The following MIR2052HG variants were observed in gnomAD, a reference collection of about 807,000 sequenced individuals.
MIR2052HG encodes the protein MIR2052 host gene.
intron 2 of MIR2052HG, among the ~76,000 whole-genome samples, chr8:74,634,490 A>T (rs1366356323): frequency 6.6e-6 from 1 of 152,158 alleles, no homozygotes; most frequent in Non-Finnish European, 1.5e-5. Flanking sequence ...TAATTTCTTA[A>T]TACATTCTTA....
intron 4 of MIR2052HG, among the ~76,000 whole-genome samples, chr8:74,712,584 G>A (rs2128741865): frequency 6.6e-6 from 1 of 152,292 alleles, no homozygotes; most frequent in African/African-American, 2.4e-5. Context: ...CCTATAAGCA[G>A]TGGATCAGGG....
At chr8:74,627,592 T>A (rs937495671) in intron 2 of MIR2052HG, among the ~76,000 whole-genome samples, 9 of 152,320 alleles carry the variant, frequency 5.9e-5, no homozygotes, top group South Asian at 2.1e-4. Context: ...CGGATTTTTT[T>A]AAAAAGTGCC....
intron 5 of MIR2052HG, among the ~76,000 whole-genome samples, chr8:74,754,973 T>G (rs7825604): frequency 0.1 from 15,492 of 152,204 alleles, 1,766 homozygotes; most frequent in African/African-American, 0.28. Context: ...CAGTACGACA[T>G]GTTGTGATTA....
intron 4 of MIR2052HG, among the ~76,000 whole-genome samples, chr8:74,737,270 G>T (rs1046352582): frequency 1.3e-5 from 2 of 152,156 alleles, no homozygotes; most frequent in Non-Finnish European, 1.5e-5. Flanking sequence ...CTGATTGTGG[G>T]CTACAACTTC....
chr8:74,667,039 C>T (rs1808936682), intron 2 of MIR2052HG, among the ~76,000 whole-genome samples: 1 of 152,124 alleles, frequency 6.6e-6, no homozygotes, highest in African/African-American at 2.4e-5. Flanking sequence ...CTGGACTGCT[C>T]ACGTGACTGC....
At chr8:74,661,224 C>T (rs1274916568) in intron 2 of MIR2052HG, among the ~76,000 whole-genome samples, 3 of 139,802 alleles carry the variant, frequency 2.1e-5, no homozygotes, top group Non-Finnish European at 4.6e-5. Context: ...TTTTTCGAGA[C>T]AGAGTCTCAC....
chr8:74,627,583 G>A (rs4259395), intron 2 of MIR2052HG, among the ~76,000 whole-genome samples: 61,057 of 151,948 alleles, frequency 0.4, 13,210 homozygotes, highest in Middle Eastern at 0.61. Flanking sequence ...TTCAGATCAC[G>A]GATTTTTTTA....
intron 4 of MIR2052HG, among the ~76,000 whole-genome samples, chr8:74,722,828 T>A (rs976196393): frequency 6.6e-6 from 1 of 152,204 alleles, no homozygotes; most frequent in Non-Finnish European, 1.5e-5. Context: ...GAAGGGAGAT[T>A]TCTGAGGGTT....
chr8:74,743,003 A>G (rs562259202), intron 4 of MIR2052HG, among the ~76,000 whole-genome samples: 1 of 152,200 alleles, frequency 6.6e-6, no homozygotes, highest in African/African-American at 2.4e-5. Context: ...TCAGATGGAG[A>G]GGGAGGAAGT....
At chr8:74,673,887 G>GTATATATATA (rs61228134) in intron 2 of MIR2052HG, among the ~76,000 whole-genome samples, 1,303 of 121,600 alleles carry the variant, frequency 0.011, 28 homozygotes, top group African/African-American at 0.025. Flanking sequence ...GTATTTTTTT[G>GTATATATATA]TATATATATA....
intron 2 of MIR2052HG, among the ~76,000 whole-genome samples, chr8:74,683,072 T>C (rs1251188316): frequency 6.6e-6 from 1 of 152,094 alleles, no homozygotes; most frequent in African/African-American, 2.4e-5. Flanking sequence ...GCAATAAAAG[T>C]GTAAATAATA....
rs374227210 is a variant in MIR2052HG at position 74,613,647 on chromosome 8, G to A, written n.216+707G>A. Among the ~76,000 whole-genome samples, 403 of 152,170 alleles carry A rather than the reference G, an allele frequency of 2.6e-3. 3 individuals carry two copies. Among genetic ancestry groups the A allele is most frequent in the African/African-American group, 8.8e-3 (367 of 41,534 alleles). Reference sequence around the variant, plus strand: ...ATTACAGGCACCCACCACCACGCCCGGCTAATTTTTGTATTTTTTAGTAGA... The same window carrying A: ...ATTACAGGCACCCACCACCACGCCCAGCTAATTTTTGTATTTTTTAGTAGA... On this transcript the variant is annotated intron_variant and non_coding_transcript_variant, in intron 2 of 6. Coordinates refer to ENST00000523442, the Ensembl canonical transcript of MIR2052HG.
chr8:74,702,054 A>G (rs1439870180), intron 2 of MIR2052HG, among the ~76,000 whole-genome samples: 1 of 152,096 alleles, frequency 6.6e-6, no homozygotes. Flanking sequence ...TTTGCTTCTA[A>G]TGGAAATAAG....
At chr8:74,743,452 T>C (rs753456903) in intron 4 of MIR2052HG, among the ~76,000 whole-genome samples, 15 of 152,172 alleles carry the variant, frequency 9.9e-5, no homozygotes, top group Admixed American at 2.6e-4. Flanking sequence ...AAAGGACATA[T>C]GACCTAGTTA....
chr8:74,645,507 A>T (rs1461312455), intron 2 of MIR2052HG, among the ~76,000 whole-genome samples: 1 of 152,080 alleles, frequency 6.6e-6, no homozygotes, highest in Non-Finnish European at 1.5e-5. Context: ...CTGGTCACGA[A>T]CTCCCAACCT....
At chr8:74,687,385 A>G (rs906153034) in intron 2 of MIR2052HG, among the ~76,000 whole-genome samples, 4 of 152,198 alleles carry the variant, frequency 2.6e-5, no homozygotes, top group African/African-American at 9.6e-5. Flanking sequence ...TCAGAGAGAC[A>G]TTTGCACACT....
intron 4 of MIR2052HG, among the ~76,000 whole-genome samples, chr8:74,711,642 G>A (rs1054989792): frequency 7.2e-5 from 11 of 152,120 alleles, no homozygotes; most frequent in Non-Finnish European, 1.2e-4. Flanking sequence ...CCCAAATGTA[G>A]TATCCAGTCA....
At chr8:74,743,068 AC>A (rs1470521135) in intron 4 of MIR2052HG, among the ~76,000 whole-genome samples, 2 of 152,158 alleles carry the variant, frequency 1.3e-5, no homozygotes, top group Non-Finnish European at 2.9e-5. Context: ...TGTCAAAAAA[AC>A]AAACAAAAAA....
At chr8:74,698,581 T>A (rs1809324748) in intron 2 of MIR2052HG, among the ~76,000 whole-genome samples, 1 of 152,128 alleles carries the variant, frequency 6.6e-6, no homozygotes, top group Admixed American at 6.5e-5. Context: ...ACCCACAGAC[T>A]GGGAGATAAT....
Sources: allele counts gnomAD v4.1 joint callset (sites outside exome capture counted in the v4.1 genomes callset), GRCh38; gene constraint gnomAD v4.1.1; transcripts MANE v1.5; gene names NCBI Gene and HGNC (gene_info 2026-07-23, HGNC 2026-07-21).